Variants in ABCC1 observed in about 807,000 individuals in gnomAD.
ABCC1 encodes the protein multidrug resistance-associated protein 1.
ABCC1 carries 83 observed loss-of-function variants against 172.9 expected under a neutral mutation model. That is an observed-to-expected ratio of 0.48 (90% CI 0.40 to 0.58). The LOEUF is 0.58. Among genes scored for constraint, ABCC1 ranks in the 20% least tolerant of loss-of-function variants. The pLI is 0.00. For synonymous variants in ABCC1, 937 were observed against 825.2 expected, an observed-to-expected ratio of 1.14 and a Z score of -2.32; for missense variants, 1,817 against 2,002.7, an observed-to-expected ratio of 0.91 and a Z score of 1.77.
intron 17 of ABCC1, among the ~76,000 whole-genome samples, chr16:16,085,358 G>T (rs926079172): frequency 4.6e-5 from 7 of 152,198 alleles, no homozygotes; most frequent in Non-Finnish European, 8.8e-5. Context: ...GTCCCCTCTT[G>T]GAAGACCAAG....
At chr16:16,129,545 T>G (rs886521105) in intron 26 of ABCC1, among the ~76,000 whole-genome samples, 1 of 151,412 alleles carries the variant, frequency 6.6e-6, no homozygotes, top group Non-Finnish European at 1.5e-5. Context: ...TTTTGTTTTT[T>G]TTTTTTTGAG....
chr16:16,010,037 CTT>C (rs71388789), intron 3 of ABCC1, 136 bp downstream of exon 3: 2,535 of 107,770 alleles, frequency 0.024, 20 homozygotes, highest in Middle Eastern at 0.074. Flanking sequence ...TAAATGTAGC[CTT>C]TTTTTTTTTT....
chr16:15,955,160 AG>A (rs2045962515), intron 1 of ABCC1, among the ~76,000 whole-genome samples: 3 of 152,160 alleles, frequency 2.0e-5, no homozygotes, highest in Admixed American at 6.6e-5. Context: ...GTTTGAGACC[AG>A]TCTGGGCAGA....
At chr16:16,018,014 G>A (rs1242210365) in intron 5 of ABCC1, among the ~76,000 whole-genome samples, 2 of 152,206 alleles carry the variant, frequency 1.3e-5, no homozygotes, top group Non-Finnish European at 2.9e-5. Context: ...AGCCAGATGA[G>A]CTGTTTGGGT....
At chr16:16,012,969 A>C (rs7205077) in intron 3 of ABCC1, among the ~76,000 whole-genome samples, 96,151 of 151,914 alleles carry the variant, frequency 0.63, 31,014 homozygotes, top group Non-Finnish European at 0.7. Context: ...AGGCGTGAGC[A>C]ACTGTGCCTG....
intron 1 of ABCC1, among the ~76,000 whole-genome samples, chr16:15,982,448 GCTT>G: frequency 6.6e-6 from 1 of 152,092 alleles, no homozygotes; most frequent in East Asian, 1.9e-4. Flanking sequence ...GAGCAAAAGT[GCTT>G]CTTTTGCTGA....
At chr16:16,094,361 GC>G in intron 19 of ABCC1, 1 of 251,750 alleles carries the variant, frequency 4.0e-6, no homozygotes, top group Admixed American at 4.2e-5. Flanking sequence ...CTTGTGGCCA[GC>G]CCCACTTCTT....
chr16:16,013,270 G>GTTTTTTTT (rs35420214), intron 3 of ABCC1, among the ~76,000 whole-genome samples: 3 of 145,796 alleles, frequency 2.1e-5, no homozygotes, highest in Non-Finnish European at 1.5e-5. Flanking sequence ...GCCAGCACAT[G>GTTTTTTTT]TTTTTTTTTT....
At chr16:16,106,570 T>G in intron 20 of ABCC1, 168 bp from the exon 21 acceptor site, 1 of 608,704 alleles carries the variant, frequency 1.6e-6, no homozygotes. Flanking sequence ...GAGAGTGACA[T>G]GGTGGGGTGT....
chr16:15,965,941 G>A (rs755523252), intron 1 of ABCC1, among the ~76,000 whole-genome samples: 1 of 152,112 alleles, frequency 6.6e-6, no homozygotes, highest in African/African-American at 2.4e-5. Flanking sequence ...TGGGTAGAGT[G>A]CGTATTGGCT....
intron 5 of ABCC1, among the ~76,000 whole-genome samples, chr16:16,032,050 G>A (rs2048577165): frequency 6.6e-6 from 1 of 152,092 alleles, no homozygotes; most frequent in South Asian, 2.1e-4. Flanking sequence ...TAGTGCAGTC[G>A]TTCGATCATG....
chr16:15,966,824 A>AT lies in ABCC1; in HGVS notation c.48+17033dup, dbSNP rs546965202. On this transcript the variant is annotated intron_variant, in intron 1 of 30. Transcript: ENST00000399410. The stretch of plus-strand genomic sequence containing the variant: ...TGTCAACATGCCCAGCTAATTTTTA[A>AT]TTTTTTTTAGAGATGAGGTCTTGCC... 2.4e-3 allele frequency among the ~76,000 whole-genome samples: 356 copies of AT among 148,710 alleles called. 1 individual carries two copies. The highest frequency in any genetic ancestry group is 5.4e-3 in the Admixed American group (81 of 14,950).
rs146650096 is a variant in ABCC1 at position 16,051,429 on chromosome 16, T to C, written c.1381-1295T>C. Among the ~76,000 whole-genome samples, 801 of 152,186 alleles carry C rather than the reference T, an allele frequency of 5.3e-3. 8 individuals carry two copies. Among genetic ancestry groups the C allele is most frequent in the Non-Finnish European group, 5.9e-3 (398 of 68,008 alleles). On this transcript the variant is annotated intron_variant, in intron 10 of 30. Transcript: ENST00000399410. ...CTCAAGCTATCTTACCACTTTGGCC[T>C]CCCAAAGTGATGGGATTACAGGTGT...
intron 1 of ABCC1, among the ~76,000 whole-genome samples, chr16:15,980,002 A>C (rs1172431563): frequency 1.3e-5 from 2 of 152,144 alleles, no homozygotes; most frequent in African/African-American, 4.8e-5. Flanking sequence ...GCATCAGTAC[A>C]TTCACTGCGC....
At chr16:15,980,509 A>G (rs1053086464) in intron 1 of ABCC1, among the ~76,000 whole-genome samples, 2 of 152,180 alleles carry the variant, frequency 1.3e-5, no homozygotes, top group Admixed American at 6.5e-5. Flanking sequence ...GGCAGGAAGG[A>G]GAAGTGCTGA....
intron 1 of ABCC1, among the ~76,000 whole-genome samples, chr16:15,968,510 A>G (rs1365915174): frequency 2.0e-5 from 3 of 151,634 alleles, no homozygotes; most frequent in African/African-American, 4.9e-5. Flanking sequence ...CCGAGTAGCT[A>G]GGACTGCAGG....
intron 26 of ABCC1, among the ~76,000 whole-genome samples, chr16:16,131,369 CTTGT>C (rs1410289111): frequency 6.6e-6 from 1 of 152,136 alleles, no homozygotes; most frequent in Admixed American, 6.6e-5. Context: ...TGTCACTCTT[CTTGT>C]TTATGTTCAT....
intron 6 of ABCC1, 96 bp downstream of exon 6, chr16:16,033,266 C>G (rs2048621767): frequency 2.4e-6 from 3 of 1,238,512 alleles, no homozygotes. Context: ...TCCCCAACTT[C>G]TCCCTCCTTT....
intron 1 of ABCC1, among the ~76,000 whole-genome samples, chr16:15,970,398 A>G (rs1232491167): frequency 6.6e-6 from 1 of 152,206 alleles, no homozygotes; most frequent in Non-Finnish European, 1.5e-5. Context: ...GCTGCAAAGG[A>G]GGCTGGGAAA....
Sources: allele counts gnomAD v4.1 joint callset (sites outside exome capture counted in the v4.1 genomes callset), GRCh38; gene constraint gnomAD v4.1.1; transcripts MANE v1.5; gene names NCBI Gene and HGNC (gene_info 2026-07-23, HGNC 2026-07-21).